Variants in LAMA3 observed in about 807,000 individuals in gnomAD.
LAMA3 encodes the protein laminin subunit alpha 3, also known as laminin subunit alpha-3.
A neutral mutation model predicts 402.0 loss-of-function variants in LAMA3; 281 were observed. The ratio of observed to expected loss-of-function variants is 0.70; its 90% CI spans 0.63 to 0.77. LAMA3 has a LOEUF of 0.77. Ranked by LOEUF, LAMA3 falls within the 30% of genes least tolerant of loss-of-function variation. LAMA3 has a pLI of 0.00. For synonymous variants in LAMA3, 1,431 were observed against 1,558.4 expected (o/e 0.92, Z 1.93); for missense variants, 3,840 against 4,215.5 (o/e 0.91, Z 2.47).
chr18:23,943,172 T>G (rs2082583632), intron 68 of LAMA3, among the ~76,000 whole-genome samples: 1 of 152,180 alleles, frequency 6.6e-6, no homozygotes, highest in Admixed American at 6.5e-5. Flanking sequence ...GGCTTCTCAG[T>G]GAAATAAGCC....
chr18:23,728,130 T>C (rs1190823115), intron 2 of LAMA3, among the ~76,000 whole-genome samples: 1 of 152,190 alleles, frequency 6.6e-6, no homozygotes, highest in Non-Finnish European at 1.5e-5. Flanking sequence ...CTGGCTCAGA[T>C]TTGGTGATGT....
intron 59 of LAMA3, among the ~76,000 whole-genome samples, chr18:23,915,708 T>C (rs1195788239): frequency 6.6e-6 from 1 of 152,134 alleles, no homozygotes; most frequent in Non-Finnish European, 1.5e-5. Context: ...TAATATTAGA[T>C]GGTACCTGAT....
chr18:23,951,644 G>A (rs761024791), intron 72 of LAMA3, 40 bp from the exon 73 acceptor site: 1 of 1,541,308 alleles, frequency 6.5e-7, no homozygotes, highest in Non-Finnish European at 9.0e-7. Context: ...GGCTCCACCT[G>A]CCTTCCTGAA....
intron 16 of LAMA3, 38 bp from the exon 17 acceptor site, chr18:23,815,429 AT>A: frequency 1.3e-6 from 2 of 1,534,900 alleles, no homozygotes; most frequent in Non-Finnish European, 1.8e-6. Flanking sequence ...GAATTCTGTA[AT>A]TATATCAAAT....
chr18:23,872,944 C>T, intron 38 of LAMA3: 1 of 1,484,536 alleles, frequency 6.7e-7, no homozygotes, highest in Non-Finnish European at 9.3e-7. Context: ...AGACAGCCTT[C>T]CTCACCTGAG....
chr18:23,766,553 C>A (rs981645009), intron 8 of LAMA3, among the ~76,000 whole-genome samples: 1 of 152,088 alleles, frequency 6.6e-6, no homozygotes, highest in African/African-American at 2.4e-5. Flanking sequence ...AAAACAAATT[C>A]TTGGCTGGGC....
chr18:23,846,573 G>T, intron 31 of LAMA3, 65 bp downstream of exon 31: 3 of 1,448,644 alleles, frequency 2.1e-6, no homozygotes, highest in Non-Finnish European at 2.8e-6. Flanking sequence ...CTTACCAGGA[G>T]CAGGCTTCTT....
chr18:23,827,555 A>C, intron 23 of LAMA3, 88 bp downstream of exon 23: 1 of 1,401,872 alleles, frequency 7.1e-7, no homozygotes, highest in Non-Finnish European at 9.8e-7. Context: ...TGCTTCTCAA[A>C]TTCAGGGGAA....
chr18:23,898,048 C>T (rs1197702288), intron 44 of LAMA3, among the ~76,000 whole-genome samples: 1 of 151,664 alleles, frequency 6.6e-6, no homozygotes, highest in African/African-American at 2.4e-5. Flanking sequence ...TCATTTTTTC[C>T]TATAAACTTT....
intron 35 of LAMA3, 85 bp from the exon 36 acceptor site, chr18:23,864,700 T>A (rs1276621280): frequency 1.2e-6 from 1 of 861,432 alleles, no homozygotes; most frequent in Non-Finnish European, 2.0e-6. Flanking sequence ...CCACACCTTG[T>A]GTGCCTAAGT....
intron 32 of LAMA3, among the ~76,000 whole-genome samples, chr18:23,853,961 A>G (rs1024167186): frequency 1.3e-5 from 2 of 152,242 alleles, no homozygotes; most frequent in African/African-American, 4.8e-5. Context: ...CACAGGATGC[A>G]TAACTCAATT....
At chr18:23,908,059 A>T in intron 54 of LAMA3, 124 bp downstream of exon 54, 1 of 890,382 alleles carries the variant, frequency 1.1e-6, no homozygotes, top group Non-Finnish European at 1.9e-6. Context: ...AAACAGCTCC[A>T]CCTGATACAG....
At position 23,842,594 on chromosome 18, in the gene LAMA3, C is replaced by T. The variant is rs779478417; in HGVS notation, c.3464-17C>T. ...CAGTCCGGTGCATGACAGAAAGTCT[C>T]TCTCTCTCTCTGCCAGGCTCCTTCC... On this transcript the variant is annotated splice_polypyrimidine_tract_variant and intron_variant, in intron 28 of 74. Transcript: ENST00000313654. The T allele has an allele frequency of 1.9e-6, 3 of 1,584,148 alleles. No homozygotes were observed. The highest frequency in any genetic ancestry group is 2.6e-6 in the Non-Finnish European group (3 of 1,157,266).
intron 2 of LAMA3, 124 bp from the exon 3 acceptor site, chr18:23,747,819 T>C (rs2061677434): frequency 1.4e-6 from 1 of 724,046 alleles, no homozygotes; most frequent in Non-Finnish European, 2.5e-6. Context: ...GGAATCAGGA[T>C]CGGGATCTTG....
At chr18:23,810,248 G>T in intron 12 of LAMA3, 118 bp from the exon 13 acceptor site, 1 of 1,193,116 alleles carries the variant, frequency 8.4e-7, no homozygotes. Context: ...AAGAAGTGGA[G>T]CTGGAATTTG....
At chr18:23,738,635 G>A (rs951904567) in intron 2 of LAMA3, among the ~76,000 whole-genome samples, 1 of 152,202 alleles carries the variant, frequency 6.6e-6, no homozygotes, top group African/African-American at 2.4e-5. Context: ...TGAGGACACA[G>A]CTGTGTTCGA....
intron 72 of LAMA3, 42 bp from the exon 73 acceptor site, chr18:23,951,642 C>T: frequency 4.5e-6 from 7 of 1,546,890 alleles, no homozygotes; most frequent in South Asian, 2.3e-5. Flanking sequence ...TCGGCTCCAC[C>T]TGCCTTCCTG....
chr18:23,771,691 A>G (rs1187833451), intron 8 of LAMA3, among the ~76,000 whole-genome samples: 2 of 152,208 alleles, frequency 1.3e-5, no homozygotes, highest in East Asian at 3.8e-4. Flanking sequence ...AAGAGATAAG[A>G]TGAATTAGTG....
intron 50 of LAMA3, 112 bp downstream of exon 50, chr18:23,904,199 G>A: frequency 8.0e-7 from 1 of 1,253,374 alleles, no homozygotes; most frequent in Non-Finnish European, 1.2e-6. Flanking sequence ...ACTGGGTGGA[G>A]GGCGGAGGGT....
Sources: allele counts gnomAD v4.1 joint callset (sites outside exome capture counted in the v4.1 genomes callset), GRCh38; gene constraint gnomAD v4.1.1; transcripts MANE v1.5; gene names NCBI Gene and HGNC (gene_info 2026-07-23, HGNC 2026-07-21).